Variants in PLPP3 observed in about 807,000 individuals in gnomAD.
PLPP3 encodes the protein PAP2 beta.
In PLPP3, 6 loss-of-function variants were observed where a neutral mutation model predicts 29.6. That is an observed-to-expected ratio of 0.20 (90% CI 0.11 to 0.40). The LOEUF (loss-of-function observed/expected upper bound fraction) is 0.40. Among genes scored for constraint, PLPP3 ranks in the 10% least tolerant of loss-of-function variants. PLPP3 has a pLI of 1.00. For missense variants in PLPP3, 308 were observed against 407.7 expected (o/e 0.76, Z 2.11); for synonymous variants, 152 against 159.7 (o/e 0.95, Z 0.36).
At chr1:56,567,404 TTTTTTTTTTTTGAGATG>T (rs1378514843) in intron 1 of PLPP3, among the ~76,000 whole-genome samples, 1 of 110,414 alleles carries the variant, frequency 9.1e-6, no homozygotes, top group Non-Finnish European at 2.0e-5. Context: ...TTTTTTTTTT[TTTTTTTTTTTTGAGATG>T]GAGTCTCGCT....
intron 2 of PLPP3, among the ~76,000 whole-genome samples, chr1:56,536,145 G>A (rs1027096766): frequency 6.6e-5 from 10 of 152,028 alleles, no homozygotes; most frequent in Admixed American, 2.0e-4. Context: ...CCTTTGAAGC[G>A]TTCAATTAAC....
chr1:56,578,900 G>T lies in PLPP3; in HGVS notation c.117C>A (p.Leu39=). 2 of 1,597,668 alleles carry T rather than the reference G, an allele frequency of 1.3e-6. No individual in the cohort carries two copies. Among genetic ancestry groups the T allele is most frequent in the Non-Finnish European group, 8.5e-7 (1 of 1,173,978 alleles). Residue 39 remains leucine (L), a synonymous_variant, in exon 1 of 6, where the codon CTC becomes CTA. Transcript: ENST00000371250. ...SGSKRVLLIC[L]DLFCLFMAGL... ...CACCCATGAAGAGGCAGAAGAGGTC[G>T]AGGCAGATGAGCAGCACCCGCTTGC...
intron 5 of PLPP3, among the ~76,000 whole-genome samples, chr1:56,501,074 T>C (rs1446969047): frequency 7.0e-6 from 1 of 143,692 alleles, no homozygotes; most frequent in African/African-American, 2.7e-5. Context: ...TCAAAAAGCA[T>C]GCAGTGAGCC....
chr1:56,574,689 A>G (rs1416118671), intron 1 of PLPP3, among the ~76,000 whole-genome samples: 3 of 152,220 alleles, frequency 2.0e-5, no homozygotes, highest in Admixed American at 1.3e-4. Context: ...TCAGTTTCTC[A>G]ACGTATTGCC....
intron 2 of PLPP3, among the ~76,000 whole-genome samples, chr1:56,526,119 T>C (rs1461221034): frequency 1.3e-5 from 2 of 152,182 alleles, no homozygotes; most frequent in Admixed American, 6.5e-5. Flanking sequence ...CAAAGGCCAC[T>C]CTAGCCAGCA....
chr1:56,535,838 G>A (rs1645923249), intron 2 of PLPP3, among the ~76,000 whole-genome samples: 1 of 152,218 alleles, frequency 6.6e-6, no homozygotes, highest in Non-Finnish European at 1.5e-5. Flanking sequence ...TGAGCCCACT[G>A]CTGCAGAGTG....
intron 2 of PLPP3, among the ~76,000 whole-genome samples, chr1:56,528,536 T>C (rs1290123400): frequency 8.5e-5 from 13 of 152,088 alleles, no homozygotes; most frequent in Admixed American, 7.2e-4. Context: ...GGCTTAGATG[T>C]CCTCATCTAT....
At chr1:56,569,629 A>G (rs753286008) in intron 1 of PLPP3, among the ~76,000 whole-genome samples, 1 of 152,222 alleles carries the variant, frequency 6.6e-6, no homozygotes, top group African/African-American at 2.4e-5. Context: ...AAAGAAAAAC[A>G]AAAAGAAAAC....
intron 1 of PLPP3, among the ~76,000 whole-genome samples, chr1:56,559,504 G>A (rs926430310): frequency 2.0e-5 from 3 of 151,450 alleles, no homozygotes; most frequent in Admixed American, 6.6e-5. Context: ...CTCCCACCTC[G>A]GCCTCCCAAA....
chr1:56,552,452 C>T (rs571629186), intron 1 of PLPP3, among the ~76,000 whole-genome samples: 1 of 152,256 alleles, frequency 6.6e-6, no homozygotes, highest in South Asian at 2.1e-4. Flanking sequence ...ATTTACATAG[C>T]ATGCAATTTA....
intron 2 of PLPP3, among the ~76,000 whole-genome samples, chr1:56,527,764 C>T (rs1460627917): frequency 6.6e-6 from 1 of 152,144 alleles, no homozygotes; most frequent in Non-Finnish European, 1.5e-5. Context: ...TTCTTGTAAT[C>T]CTAACCCTTA....
At chr1:56,517,913 G>A (rs61772595) in intron 4 of PLPP3, among the ~76,000 whole-genome samples, 15,726 of 152,226 alleles carry the variant, frequency 0.1, 952 homozygotes, top group Middle Eastern at 0.15. Flanking sequence ...TGAAGCTGAA[G>A]GGAGCCTAAG....
chr1:56,556,234 G>C (rs1374646756), intron 1 of PLPP3, among the ~76,000 whole-genome samples: 1 of 152,132 alleles, frequency 6.6e-6, no homozygotes, highest in Non-Finnish European at 1.5e-5. Context: ...TTAAAGTGAG[G>C]GCATTAGGGC....
chr1:56,537,179 T>C, intron 1 of PLPP3, 67 bp from the exon 2 acceptor site: 1 of 1,504,314 alleles, frequency 6.6e-7, no homozygotes, highest in Admixed American at 1.9e-5. Context: ...AAAACATCAG[T>C]GCCAAAGAGG....
chr1:56,574,661 G>C (rs928793694), intron 1 of PLPP3, among the ~76,000 whole-genome samples: 3 of 152,232 alleles, frequency 2.0e-5, no homozygotes, highest in Middle Eastern at 3.4e-3. Context: ...GGACACATCC[G>C]GCGTAGGAAA....
chr1:56,561,412 T>A (rs370752062), intron 1 of PLPP3, among the ~76,000 whole-genome samples: 21 of 152,180 alleles, frequency 1.4e-4, no homozygotes, highest in East Asian at 1.4e-3. Flanking sequence ...CTCTAGCAAG[T>A]AAAGGGTTTT....
chr1:56,512,013 G>A lies in PLPP3; in HGVS notation c.773C>T (p.Ala258Val). The A allele has an allele frequency of 6.2e-7, 1 of 1,613,358 alleles. No individual in the cohort carries two copies. The highest frequency in any genetic ancestry group is 1.3e-5 in the African/African-American group (1 of 74,992). Residue 258 changes from alanine to valine, a missense_variant, in exon 5 of 6, where the codon GCA becomes GTA. Physicochemically the swap from Ala to Val is moderately conservative, Grantham distance 64. Around this residue, in one of 3 missense-constraint regions of PLPP3, gnomAD observed 232 missense variants for 317.2 expected, o/e 0.73. Coordinates refer to ENST00000371250, the MANE Select transcript of PLPP3 (RefSeq NM_003713.5). ...CACCAGGGCTCCTTGAGCAAATCCT[G>A]CCAGAACATCACTGGGATGGTGCTT... ...DHKHHPSDVL[A>V]GFAQGALVAC...
chr1:56,523,202 A>G (rs1201471980), intron 4 of PLPP3, among the ~76,000 whole-genome samples: 1 of 152,186 alleles, frequency 6.6e-6, no homozygotes, highest in Non-Finnish European at 1.5e-5. Context: ...TGCAAAACTC[A>G]AAATTATTCT....
At chr1:56,543,709 C>T (rs1320108932) in intron 1 of PLPP3, among the ~76,000 whole-genome samples, 4 of 152,164 alleles carry the variant, frequency 2.6e-5, no homozygotes, top group Non-Finnish European at 4.4e-5. Context: ...CATTTTTCTA[C>T]CTTTGAAACA....
Sources: allele counts gnomAD v4.1 joint callset (sites outside exome capture counted in the v4.1 genomes callset), GRCh38; gene constraint gnomAD v4.1.1; regional missense constraint gnomAD v4.1.1; transcripts MANE v1.5; gene names NCBI Gene and HGNC (gene_info 2026-07-23, HGNC 2026-07-21).